COL6A3: variants seen among roughly 807,000 people sequenced by gnomAD.
COL6A3 encodes collagen type VI alpha 3 chain, also known as collagen alpha-3(VI) chain.
A neutral mutation model predicts 274.1 loss-of-function variants in COL6A3; 137 were observed. The ratio of observed to expected loss-of-function variants is 0.50; its 90% CI spans 0.44 to 0.58. The LOEUF (loss-of-function observed/expected upper bound fraction) is 0.58, where lower values mean the gene tolerates loss of function less well. COL6A3 is among the 20% of genes least tolerant of loss of function. COL6A3 has a pLI of 0.00. For synonymous variants in COL6A3, 1,650 were observed against 1,650.6 expected (o/e 1.00, Z 0.01); for missense variants, 3,950 against 4,124.9 (o/e 0.96, Z 1.16).
chr2:237,352,456 C>G, intron 26 of COL6A3, 66 bp downstream of exon 26: 1 of 1,486,260 alleles, frequency 6.7e-7, no homozygotes, highest in Non-Finnish European at 9.3e-7. Flanking sequence ...GAGAAACTCT[C>G]TCAGCCTGCT....
rs2077535583 is a variant in COL6A3 at position 237,365,754 on chromosome 2, C to T, written c.5782G>A (p.Asp1928Asn). 1 of 1,614,226 alleles carries T rather than the reference C, an allele frequency of 6.2e-7. No individual in the cohort carries two copies. The highest frequency in any genetic ancestry group is 8.5e-7 in the Non-Finnish European group (1 of 1,180,044). Residue 1928 changes from aspartate (D) to asparagine (N), a missense_variant, in exon 12 of 44, where the codon GAC becomes AAC. Transcript: ENST00000295550. Reference sequence around the variant, plus strand: ...TTGTTCAGGTAGACCTTCAGGGTGTCCTCCGTGAGGACGTAGGGGTGCTGG... The same window carrying T: ...TTGTTCAGGTAGACCTTCAGGGTGTTCTCCGTGAGGACGTAGGGGTGCTGG... ...RSQHPYVLTE[D>N]TLKVYLNKFR...
At position 237,374,950 on chromosome 2, in the gene COL6A3, C is replaced by G. The variant is rs746229521; in HGVS notation, c.3141G>C (p.Leu1047Phe). Residue 1047 changes from leucine to phenylalanine, a missense_variant, in exon 8 of 44, where the codon TTG (leucine) becomes TTC (phenylalanine). By Grantham distance (22) the Leu-to-Phe change is conservative. Around this residue, in one of 5 missense-constraint regions of COL6A3, gnomAD observed 1,934 missense variants for 1,984.3 expected, o/e 0.97. Coordinates refer to ENST00000295550, the MANE Select transcript of COL6A3 (RefSeq NM_004369.4). The surrounding 1 kb of genome is among the most constrained non-coding windows in gnomAD (Gnocchi z 4.8). ...CCACCACTCTCTGGACAAACTCTTTCAACAGAGGGAAGCCGCTCCTGACGC... is the reference window on the plus strand; with the variant it reads ...CCACCACTCTCTGGACAAACTCTTTGAACAGAGGGAAGCCGCTCCTGACGC... Reference protein sequence around the residue: ...SEGVRSGFPLLKEFVQRVVES... With the variant: ...SEGVRSGFPLFKEFVQRVVES... 2.5e-6 allele frequency: 4 copies of G among 1,613,930 alleles called. No homozygotes were observed. In the South Asian group the frequency reaches 4.4e-5, roughly 18 times the overall value.
rs75780727 is a variant in COL6A3, at chr2:237,371,723, C to T, written c.4285+9G>A. On this transcript the variant is annotated intron_variant, in intron 9 of 43. Transcript: ENST00000295550. This position sits in a 1 kb window ranked among gnomAD's most constrained non-coding sequence, Gnocchi z 4.3. ...GCTCCAAGGAGAACCTCCGACGCCC[C>T]CATCTCACCTGGAGGTGGATAGCGA... 3.3e-3 allele frequency: 5,258 copies of T among 1,581,268 alleles called. 278 individuals carry two copies. In the Admixed American group the frequency reaches 0.085, roughly 25 times the overall value.
rs1207329162 is a variant in COL6A3 at position 237,368,038 on chromosome 2, G to A, written c.4900+525C>T. On this transcript the variant is annotated intron_variant, in intron 10 of 43. Coordinates refer to ENST00000295550, the MANE Select transcript of COL6A3 (RefSeq NM_004369.4). The surrounding 1 kb of genome is among the most constrained non-coding windows in gnomAD (Gnocchi z 4.4). The stretch of plus-strand genomic sequence containing the variant: ...TCTACATGGCGATTACTTGGAGGAG[G>A]GACAAAGAAAAATATGGGCTGGTGG... Among the ~76,000 whole-genome samples, 1 of 152,166 alleles carries A rather than the reference G, an allele frequency of 6.6e-6. No individual in the cohort carries two copies. The highest frequency in any genetic ancestry group is 1.5e-5 in the Non-Finnish European group (1 of 68,022).
intron 39 of COL6A3, 46 bp downstream of exon 39, chr2:237,338,969 T>A (rs755069150): frequency 6.7e-7 from 1 of 1,502,460 alleles, no homozygotes; most frequent in South Asian, 1.1e-5. Flanking sequence ...ACCTGTGCAT[T>A]CCCTGCAGCG....
chr2:237,341,133 G>A lies in COL6A3; in HGVS notation c.7783C>T (p.Pro2595Ser). Residue 2595 changes from proline to serine, a missense_variant, in exon 38 of 44, where the codon CCA (proline) becomes TCA (serine). By Grantham distance (74) the Pro-to-Ser change is moderately conservative (BLOSUM62 -1). Around this residue, in one of 5 missense-constraint regions of COL6A3, gnomAD observed 1,284 missense variants for 1,349.7 expected, o/e 0.95. Transcript: ENST00000295550. ...CTCCAACTGCCAAATCCACAGGATG[G>A]GTCGATGTTGCAGATGTCTAGAAAG... is the stretch of plus-strand genomic sequence containing the variant. ...HVCLDICNID[P>S]SCGFGSWRPS... is the part of the protein sequence containing the mutation. 5 of 1,614,176 alleles carry A rather than the reference G, an allele frequency of 3.1e-6. No homozygotes were observed. Among genetic ancestry groups the A allele is most frequent in the Non-Finnish European group, 4.2e-6 (5 of 1,180,024 alleles).
rs2077999340 is a variant in COL6A3 at position 237,381,309 on chromosome 2, G to A, written c.1503C>T (p.Thr501=). 11 of 1,614,214 alleles carry A rather than the reference G, an allele frequency of 6.8e-6. No individual in the cohort carries two copies. Among genetic ancestry groups the A allele is most frequent in the Non-Finnish European group, 9.3e-6 (11 of 1,180,044 alleles). The change falls in exon 5 of 44, where the codon ACC becomes ACT. Residue 501 remains threonine, a synonymous_variant. Transcript: ENST00000295550. ...DTVRPEFYFN[T]HPTKREVITA... is the part of the protein sequence containing the mutation. The stretch of plus-strand genomic sequence containing the variant: ...TTATGACTTCCCTTTTTGTTGGATG[G>A]GTATTGAAATAAAATTCAGGCCTCA...
intron 39 of COL6A3, among the ~76,000 whole-genome samples, chr2:237,337,644 G>T (rs1230630256): frequency 1.3e-5 from 2 of 152,216 alleles, no homozygotes; most frequent in East Asian, 3.9e-4. Context: ...TGCAGAATCT[G>T]CACTTCCCTC....
chr2:237,379,046 T>C lies in COL6A3; in HGVS notation c.2087A>G (p.Tyr696Cys), dbSNP rs367690192. The C allele has an allele frequency of 5.0e-6, 8 of 1,614,228 alleles. No individual in the cohort carries two copies. The highest frequency in any genetic ancestry group is 6.8e-6 in the Non-Finnish European group (8 of 1,180,042). ...TPVTEFSLNT[Y>C]QTKSDILGHL... ...ACCAAGGATATCTGACTTGGTCTGG[T>C]ATGTGTTTAAAGAGAACTCCGTTAC... Residue 696 changes from tyrosine to cysteine, a missense_variant, in exon 6 of 44, where the codon TAC becomes TGC. By Grantham distance (194) the Tyr-to-Cys change is radical (BLOSUM62 -2). This residue lies in a region of COL6A3 where 1,934 missense variants were observed against 1,984.3 expected (regional missense o/e 0.97). Transcript: ENST00000295550.
chr2:237,331,895 A>G (rs1700246033), intron 42 of COL6A3, among the ~76,000 whole-genome samples: 1 of 150,184 alleles, frequency 6.7e-6, no homozygotes, highest in African/African-American at 2.4e-5. Context: ...TTTTATTTAG[A>G]TTCATCTGTA....
intron 6 of COL6A3, 68 bp from the exon 7 acceptor site, chr2:237,377,412 C>T (rs2077878832): frequency 6.7e-7 from 1 of 1,494,036 alleles, no homozygotes; most frequent in Admixed American, 1.7e-5. Flanking sequence ...CGACTTCAGC[C>T]CAGCACCATT....
chr2:237,371,754 G>A lies in COL6A3; in HGVS notation c.4263C>T (p.Ala1421=), dbSNP rs748103971. Residue 1421 remains alanine (A), a synonymous_variant, in exon 9 of 44, where the codon GCC becomes GCT. Transcript: ENST00000295550. This position sits in a 1 kb window ranked among gnomAD's most constrained non-coding sequence, Gnocchi z 4.3. ...CACCTGGAGGTGGATAGCGAGTGCT[G>A]GCTAAGAGCTTCTGGATCTGCTCTG... ...LTSEQIQKLL[A]STRYPPPAVE... The A allele has an allele frequency of 1.9e-6, 3 of 1,604,364 alleles. No individual in the cohort carries two copies. The highest frequency in any genetic ancestry group is 1.3e-5 in the African/African-American group (1 of 74,680).
At chr2:237,394,563 G>A (rs758226301) in intron 3 of COL6A3, 24 bp downstream of exon 3, 31 of 1,613,328 alleles carry the variant, frequency 1.9e-5, no homozygotes, top group Middle Eastern at 1.8e-4. Context: ...AGGGCAGGGC[G>A]TAGCTTGGTG....
chr2:237,349,756 G>C (rs752326578), intron 28 of COL6A3, among the ~76,000 whole-genome samples: 6 of 152,150 alleles, frequency 3.9e-5, no homozygotes, highest in Non-Finnish European at 5.9e-5. Flanking sequence ...TTTCCATCTG[G>C]ACTGAGACCT....
Position 237,335,854 on chromosome 2 carries a change from T to G in COL6A3, c.8965+281A>C, listed in dbSNP as rs113295051. Among the ~76,000 whole-genome samples the G allele has an allele frequency of 3.6e-3, 549 of 152,300 alleles. 7 individuals are homozygous for G. The highest frequency in any genetic ancestry group is 0.012 in the African/African-American group (514 of 41,558). ...AACACGGAAACTTTTCCCTTTAGTT[T>G]AAGACAACTCAATTTTCAGGTGAGG... On this transcript the variant is annotated intron_variant, in intron 40 of 43. Coordinates refer to ENST00000295550, the MANE Select transcript of COL6A3 (RefSeq NM_004369.4).
chr2:237,370,223 A>G (rs1223862158), intron 9 of COL6A3, among the ~76,000 whole-genome samples: 1 of 147,086 alleles, frequency 6.8e-6, no homozygotes, highest in Non-Finnish European at 1.5e-5. Context: ...ATTTAATTCT[A>G]TTAAATAACT....
intron 1 of COL6A3, among the ~76,000 whole-genome samples, chr2:237,409,728 TC>T (rs2106407701): frequency 6.6e-6 from 1 of 152,332 alleles, no homozygotes; most frequent in African/African-American, 2.4e-5. Context: ...AAACCCATTG[TC>T]CATTATTAGG....
In COL6A3 at chr2:237,369,314, C is replaced by A. The variant is rs925931496; in HGVS notation, c.4286-137G>T. The A allele has an allele frequency of 3.2e-6, 4 of 1,241,536 alleles. No individual in the cohort carries two copies. In the South Asian group the frequency reaches 4.3e-5, roughly 13 times the overall value. The allele number at this position is 1,241,536 out of a possible 1,614,324, so 76.9% of individuals were successfully genotyped here. A position where few individuals can be genotyped will look rare whatever the true frequency, so the allele number is the denominator to read the frequency against. ...ATGCCTGTGTTGTTTGTATCTCGGG[C>A]TTTTTGAAATTAGCCGTTAAAAATT... On this transcript the variant is annotated intron_variant, in intron 9 of 43. Transcript: ENST00000295550.
chr2:237,392,483 G>T (rs1460721257), intron 3 of COL6A3, among the ~76,000 whole-genome samples: 1 of 152,102 alleles, frequency 6.6e-6, no homozygotes, highest in Admixed American at 6.5e-5. Flanking sequence ...CACCATCCAT[G>T]TGTATTCACA....
Sources: allele counts gnomAD v4.1 joint callset (sites outside exome capture counted in the v4.1 genomes callset), GRCh38; gene constraint gnomAD v4.1.1; regional missense constraint gnomAD v4.1.1; non-coding constraint Gnocchi (gnomAD v3.1); transcripts MANE v1.5; gene names NCBI Gene and HGNC (gene_info 2026-07-23, HGNC 2026-07-21).